SPAG16: variants seen among roughly 807,000 people sequenced by gnomAD.
SPAG16 encodes the protein sperm-associated antigen 16 protein.
Under a neutral mutation model 80.4 loss-of-function variants are expected in SPAG16, and 86 were observed. The ratio of observed to expected loss-of-function variants is 1.07; its 90% CI spans 0.90 to 1.28. The LOEUF is 1.28. Ranked by LOEUF, SPAG16 falls within the 50% of genes most tolerant of loss-of-function variation. The pLI is 0.00. For synonymous variants in SPAG16, 294 were observed against 265.9 expected (o/e 1.11, Z -1.03); for missense variants, 870 against 765.3 (o/e 1.14, Z -1.61).
chr2:213,949,169 G>GTTTTT (rs767648099), intron 12 of SPAG16, among the ~76,000 whole-genome samples: 27 of 56,738 alleles, frequency 4.8e-4, no homozygotes, highest in South Asian at 1.0e-3. Flanking sequence ...AATTACAACA[G>GTTTTT]TTTTTTTTTT....
At chr2:213,354,024 A>C (rs909086205) in intron 7 of SPAG16, among the ~76,000 whole-genome samples, 2 of 152,236 alleles carry the variant, frequency 1.3e-5, no homozygotes, top group East Asian at 1.9e-4. Flanking sequence ...TCTTAATGCT[A>C]TCCCTGTCCC....
At chr2:214,010,801 C>T (rs1165642926) in intron 12 of SPAG16, among the ~76,000 whole-genome samples, 3 of 146,222 alleles carry the variant, frequency 2.1e-5, no homozygotes, top group Non-Finnish European at 3.0e-5. Flanking sequence ...TTTGTGATTA[C>T]AGATCAAAAT....
At chr2:214,175,520 C>A (rs930015339) in intron 15 of SPAG16, among the ~76,000 whole-genome samples, 4 of 151,148 alleles carry the variant, frequency 2.6e-5, no homozygotes, top group African/African-American at 9.7e-5. Flanking sequence ...TAGCAGAGCA[C>A]TTCCTCTTGG....
At chr2:213,883,773 T>C (rs2076444249) in intron 11 of SPAG16, among the ~76,000 whole-genome samples, 1 of 152,228 alleles carries the variant, frequency 6.6e-6, no homozygotes, top group South Asian at 2.1e-4. Context: ...ATGCCTTCCA[T>C]TGCCCTTTTA....
chr2:213,577,994 T>C (rs2060184782), intron 10 of SPAG16, among the ~76,000 whole-genome samples: 1 of 151,986 alleles, frequency 6.6e-6, no homozygotes, highest in African/African-American at 2.4e-5. Flanking sequence ...TAACTAAAAC[T>C]CTTAAGGAAC....
In SPAG16 at chr2:213,846,984, G is replaced by A. The variant is rs568994987; in HGVS notation, c.1071-15501G>A. On this transcript the variant is annotated intron_variant, in intron 10 of 15. Coordinates refer to ENST00000331683, the MANE Select transcript of SPAG16 (RefSeq NM_024532.5). The stretch of plus-strand genomic sequence containing the variant: ...CTTCAGGTTTAGTGGTTGTAGAACT[G>A]AGCTTCCTGCTTCCTTGCTGGCTGT... 5.3e-5 allele frequency among the ~76,000 whole-genome samples: 8 copies of A among 152,276 alleles called. No individual in the cohort carries two copies. The South Asian group carries it at 1.7e-3, about 32-fold the overall frequency.
chr2:214,137,266 A>G (rs890759633), intron 14 of SPAG16, among the ~76,000 whole-genome samples: 10 of 152,024 alleles, frequency 6.6e-5, no homozygotes, highest in African/African-American at 2.4e-4. Flanking sequence ...GCATGCTGCT[A>G]TTTTCATTGA....
intron 10 of SPAG16, among the ~76,000 whole-genome samples, chr2:213,861,613 A>C (rs998727354): frequency 6.6e-6 from 1 of 152,226 alleles, no homozygotes; most frequent in African/African-American, 2.4e-5. Flanking sequence ...TAGGTGCTTA[A>C]CATTGGACAC....
chr2:213,289,033 C>T (rs1287825923), intron 1 of SPAG16, among the ~76,000 whole-genome samples: 1 of 152,154 alleles, frequency 6.6e-6, no homozygotes, highest in African/African-American at 2.4e-5. Flanking sequence ...ATGTGTTTTG[C>T]TCTGTGTCCT....
intron 15 of SPAG16, among the ~76,000 whole-genome samples, chr2:214,383,583 A>G (rs1020033826): frequency 6.6e-6 from 1 of 151,828 alleles, no homozygotes; most frequent in Non-Finnish European, 1.5e-5. Flanking sequence ...AAAAAAAGAA[A>G]AAAGAAAAAA....
intron 15 of SPAG16, among the ~76,000 whole-genome samples, chr2:214,181,742 T>C (rs529219237): frequency 2.6e-5 from 4 of 151,986 alleles, no homozygotes; most frequent in African/African-American, 7.2e-5. Context: ...TTGTATATTT[T>C]AGCCCAGCAA....
At chr2:213,558,857 T>G (rs572683586) in intron 10 of SPAG16, among the ~76,000 whole-genome samples, 1 of 152,280 alleles carries the variant, frequency 6.6e-6, no homozygotes, top group Non-Finnish European at 1.5e-5. Context: ...TTTACTTTTT[T>G]GCTCTTCTCT....
chr2:214,012,288 A>ATATATTTTTTTT (rs1553694500), intron 12 of SPAG16, among the ~76,000 whole-genome samples: 8 of 46,804 alleles, frequency 1.7e-4, no homozygotes, highest in African/African-American at 4.9e-4. Flanking sequence ...ATATATATAT[A>ATATATTTTTTTT]TTTTTTTTTT....
intron 10 of SPAG16, among the ~76,000 whole-genome samples, chr2:213,655,040 C>G (rs1324316844): frequency 6.6e-6 from 1 of 152,140 alleles, no homozygotes; most frequent in East Asian, 1.9e-4. Flanking sequence ...TATGATACTA[C>G]AATGGTGGGT....
chr2:213,473,229 C>G (rs2073182352), intron 9 of SPAG16, among the ~76,000 whole-genome samples: 1 of 152,230 alleles, frequency 6.6e-6, no homozygotes, highest in Non-Finnish European at 1.5e-5. Context: ...CTGATTGCTT[C>G]TTTGTCTCTG....
chr2:214,025,406 G>C (rs2048078439), intron 13 of SPAG16, among the ~76,000 whole-genome samples: 1 of 151,530 alleles, frequency 6.6e-6, no homozygotes, highest in African/African-American at 2.4e-5. Flanking sequence ...TCAACATATA[G>C]AAATTACTAG....
intron 9 of SPAG16, among the ~76,000 whole-genome samples, chr2:213,469,772 G>A (rs2072972277): frequency 6.6e-6 from 1 of 151,978 alleles, no homozygotes; most frequent in Non-Finnish European, 1.5e-5. Flanking sequence ...TTGTTGTGGA[G>A]TAGTAGACTG....
chr2:214,323,504 G>T (rs1696256685), intron 15 of SPAG16, among the ~76,000 whole-genome samples: 1 of 152,130 alleles, frequency 6.6e-6, no homozygotes, highest in African/African-American at 2.4e-5. Flanking sequence ...AGTTTAAACT[G>T]CTGTTGTTTG....
chr2:213,851,056 A>G (rs1044039831), intron 10 of SPAG16, among the ~76,000 whole-genome samples: 11 of 152,180 alleles, frequency 7.2e-5, no homozygotes, highest in Admixed American at 6.6e-4. Flanking sequence ...AGAAGTGCTT[A>G]TATTCATAAT....
Sources: allele counts gnomAD v4.1 joint callset (sites outside exome capture counted in the v4.1 genomes callset), GRCh38; gene constraint gnomAD v4.1.1; transcripts MANE v1.5; gene names NCBI Gene and HGNC (gene_info 2026-07-23, HGNC 2026-07-21).